PDRG1: variants seen among roughly 807,000 people sequenced by gnomAD.
The protein encoded by PDRG1 is p53 and DNA damage-regulated protein 1.
Under a neutral mutation model 18.4 loss-of-function variants are expected in PDRG1, and 14 were observed. The ratio of observed to expected loss-of-function variants is 0.76; its 90% confidence interval spans 0.50 to 1.19. The LOEUF (loss-of-function observed/expected upper bound fraction) is 1.19. Ranked by LOEUF, PDRG1 falls within the 50% of genes most tolerant of loss-of-function variation. The probability of loss-of-function intolerance (pLI) is 0.00; values close to 1 mark genes in which losing one functional copy is unlikely to be tolerated. For missense variants in PDRG1, 177 were observed against 160.1 expected, an observed-to-expected ratio of 1.11 and a Z score of -0.57; for synonymous variants, 65 against 60.9, an observed-to-expected ratio of 1.07 and a Z score of -0.31.
chr20:31,951,906 A>C lies in PDRG1; in HGVS notation c.56T>G (p.Leu19Arg). ...VLRYLVEVEE[L>R]AEEVLADKRQ... ...CTTGTCCGCCAGCACCTCCTCGGCG[A>C]GCTCCTCCACTTCTACAAGGTACCG... Residue 19 changes from leucine to arginine, a missense_variant, in exon 1 of 5, where the codon CTC (leucine) becomes CGC (arginine). Physicochemically the swap from Leu to Arg is moderately radical, Grantham distance 102. Coordinates refer to ENST00000202017, the MANE Select transcript of PDRG1 (RefSeq NM_030815.3). 2 of 1,592,070 alleles carry C rather than the reference A, an allele frequency of 1.3e-6. No homozygotes were observed. Among genetic ancestry groups the C allele is most frequent in the Admixed American group, 1.7e-5 (1 of 57,492 alleles).
chr20:31,946,768 A>C (rs574912458), intron 3 of PDRG1, among the ~76,000 whole-genome samples, 192 bp from the exon 4 acceptor site: 1 of 152,350 alleles, frequency 6.6e-6, no homozygotes, highest in South Asian at 2.1e-4. Flanking sequence ...CAGAGAGCCC[A>C]GGACACAGCA....
At chr20:31,947,725 T>A (rs1274306727) in intron 3 of PDRG1, among the ~76,000 whole-genome samples, 4 of 151,934 alleles carry the variant, frequency 2.6e-5, no homozygotes, top group African/African-American at 9.7e-5. Context: ...CTGTCTTTAC[T>A]AAAAAAACAC....
chr20:31,950,365 C>A lies in PDRG1; in HGVS notation c.110G>T (p.Arg37Met), dbSNP rs147359616. 1.2e-6 allele frequency: 2 copies of A among 1,612,836 alleles called. No individual in the cohort carries two copies. The highest frequency in any genetic ancestry group is 1.3e-5 in the African/African-American group (1 of 75,026). ...KRQIVDLDTK[R>M]NQNREGLRAL... The stretch of plus-strand genomic sequence containing the variant: ...CCTCAGGCCCTCTCGATTCTGATTC[C>A]TTTTAGTGTCCAGGTCCACAATCTG... The change falls in exon 2 of 5, where the codon AGG becomes ATG. Residue 37 changes from arginine (R) to methionine (M), a missense_variant. Arg to Met is a moderately conservative substitution (Grantham distance 91, BLOSUM62 -1). Coordinates refer to ENST00000202017, the MANE Select transcript of PDRG1 (RefSeq NM_030815.3).
intron 1 of PDRG1, among the ~76,000 whole-genome samples, chr20:31,951,337 TC>T (rs1388783037): frequency 1.3e-5 from 2 of 152,270 alleles, no homozygotes; most frequent in Non-Finnish European, 2.9e-5. Flanking sequence ...TCTCCCTGCC[TC>T]CGCCCTTGCC....
At chr20:31,948,288 G>T (rs1374925972) in intron 3 of PDRG1, among the ~76,000 whole-genome samples, 1 of 152,208 alleles carries the variant, frequency 6.6e-6, no homozygotes, top group Non-Finnish European at 1.5e-5. Flanking sequence ...AGTCCCTGAG[G>T]AGATGGCCTT....
chr20:31,949,698 C>T (rs185273405), intron 2 of PDRG1, among the ~76,000 whole-genome samples: 3 of 152,136 alleles, frequency 2.0e-5, no homozygotes, highest in South Asian at 2.1e-4. Flanking sequence ...CTGGATTACT[C>T]GGTCTTGTAG....
At chr20:31,950,426 T>G in intron 1 of PDRG1, 39 bp from the exon 2 acceptor site, 1 of 1,507,094 alleles carries the variant, frequency 6.6e-7, no homozygotes, top group Non-Finnish European at 9.2e-7. Flanking sequence ...CAGCTATCTC[T>G]TGCCCCAAGC....
At position 31,946,587 on chromosome 20, in the gene PDRG1, G is replaced by C; in HGVS notation, c.239-11C>G. ...CCAGATGATCTTGATCTGAAAAAAT[G>C]AGGGGGGCAAGCAGAGGATAAGATT... On this transcript the variant is annotated splice_polypyrimidine_tract_variant and intron_variant, in intron 3 of 4. Transcript: ENST00000202017. 1 of 1,600,724 alleles carries C rather than the reference G, an allele frequency of 6.2e-7. No individual in the cohort carries two copies. The highest frequency in any genetic ancestry group is 8.6e-7 in the Non-Finnish European group (1 of 1,168,278).
chr20:31,951,972 A>T lies in PDRG1; in HGVS notation c.-11T>A. 1 of 1,551,452 alleles carries T rather than the reference A, an allele frequency of 6.4e-7. No individual in the cohort carries two copies. The highest frequency in any genetic ancestry group is 1.2e-5 in the South Asian group (1 of 83,198). On this transcript the variant is annotated 5_prime_UTR_variant, in exon 1 of 5. Coordinates refer to ENST00000202017, the MANE Select transcript of PDRG1 (RefSeq NM_030815.3). ...CTCGGGTGATAGCATAGCGCCCACC[A>T]ACTCCGCTTGCGGCTCTCGCGCGAC...
intron 2 of PDRG1, among the ~76,000 whole-genome samples, chr20:31,949,699 G>C (rs772771214): frequency 6.6e-6 from 1 of 152,108 alleles, no homozygotes; most frequent in East Asian, 1.9e-4. Context: ...TGGATTACTC[G>C]GTCTTGTAGG....
chr20:31,948,729 C>A, intron 3 of PDRG1, 79 bp downstream of exon 3: 1 of 1,347,008 alleles, frequency 7.4e-7, no homozygotes, highest in Non-Finnish European at 1.0e-6. Flanking sequence ...CTGCCTGAAG[C>A]CTGACTCCCT....
chr20:31,951,376 G>C (rs1204563131), intron 1 of PDRG1, among the ~76,000 whole-genome samples: 1 of 152,112 alleles, frequency 6.6e-6, no homozygotes, highest in East Asian at 1.9e-4. Flanking sequence ...CCACACAGCA[G>C]CCAGGGGGGA....
chr20:31,950,460 T>C, intron 1 of PDRG1, 73 bp from the exon 2 acceptor site: 1 of 1,151,764 alleles, frequency 8.7e-7, no homozygotes, highest in Non-Finnish European at 1.3e-6. Flanking sequence ...CAGACAAGGG[T>C]TGCAGAGGCA....
At chr20:31,950,020 A>G (rs1038841449) in intron 2 of PDRG1, among the ~76,000 whole-genome samples, 1 of 152,188 alleles carries the variant, frequency 6.6e-6, no homozygotes, top group Non-Finnish European at 1.5e-5. Flanking sequence ...TGTAAAGCAC[A>G]AGGGCAGGAA....
chr20:31,951,962 A>T lies in PDRG1; in HGVS notation c.-1T>A. On this transcript the variant is annotated 5_prime_UTR_variant, in exon 1 of 5. Transcript: ENST00000202017. Reference sequence around the variant, plus strand: ...CTCGCTCTGCCTCGGGTGATAGCATAGCGCCCACCAACTCCGCTTGCGGCT... The same window carrying T: ...CTCGCTCTGCCTCGGGTGATAGCATTGCGCCCACCAACTCCGCTTGCGGCT... 1 of 1,562,238 alleles carries T rather than the reference A, an allele frequency of 6.4e-7. No individual in the cohort carries two copies. Among genetic ancestry groups the T allele is most frequent in the Non-Finnish European group, 8.6e-7 (1 of 1,156,440 alleles).
chr20:31,951,956 T>C lies in PDRG1; in HGVS notation c.6A>G (p.Leu2=), dbSNP rs139495439. 1,338 of 1,571,370 alleles carry C rather than the reference T, an allele frequency of 8.5e-4. 7 individuals are homozygous for C. The African/African-American group carries it at 0.017, about 20-fold the overall frequency. M[L]SPEAERVLRY... is the part of the protein sequence containing the mutation. Reference sequence around the variant, plus strand: ...GCAGCACTCGCTCTGCCTCGGGTGATAGCATAGCGCCCACCAACTCCGCTT... The same window carrying C: ...GCAGCACTCGCTCTGCCTCGGGTGACAGCATAGCGCCCACCAACTCCGCTT... The change falls in exon 1 of 5, where the codon CTA becomes CTG. Residue 2 remains leucine, a synonymous_variant. Transcript: ENST00000202017.
chr20:31,951,475 A>G (rs188013534), intron 1 of PDRG1, among the ~76,000 whole-genome samples: 15 of 152,172 alleles, frequency 9.9e-5, no homozygotes, highest in African/African-American at 3.4e-4. Flanking sequence ...GACACCCCAT[A>G]AACAGGGCGC....
chr20:31,950,173 C>T (rs1033848663), intron 2 of PDRG1, 139 bp downstream of exon 2: 2 of 713,816 alleles, frequency 2.8e-6, no homozygotes, highest in African/African-American at 1.8e-5. Context: ...TCCCCCATCT[C>T]CCCGGACTGT....
chr20:31,946,992 A>G (rs184916212), intron 3 of PDRG1, among the ~76,000 whole-genome samples: 1 of 152,248 alleles, frequency 6.6e-6, no homozygotes, highest in Non-Finnish European at 1.5e-5. Flanking sequence ...ACCCAAGTCC[A>G]TCAAGGTGAG....
Sources: allele counts gnomAD v4.1 joint callset (sites outside exome capture counted in the v4.1 genomes callset), GRCh38; gene constraint gnomAD v4.1.1; transcripts MANE v1.5; gene names NCBI Gene and HGNC (gene_info 2026-07-23, HGNC 2026-07-21).